Variants in DNAH7 observed in about 807,000 individuals in gnomAD.
The protein encoded by DNAH7 is axonemal beta dynein heavy chain 7.
DNAH7 carries 397 observed loss-of-function variants against 444.6 expected under a neutral mutation model. The observed-to-expected ratio is 0.89, with a 90% CI of 0.82 to 0.97. The LOEUF (loss-of-function observed/expected upper bound fraction) is 0.97. Ranked by LOEUF, DNAH7 falls within the 50% of genes least tolerant of loss-of-function variation. DNAH7 has a pLI of 0.00. For missense variants in DNAH7, 4,902 were observed against 4,800.8 expected, an observed-to-expected ratio of 1.02 and a Z score of -0.62; for synonymous variants, 1,636 against 1,624.4, an observed-to-expected ratio of 1.01 and a Z score of -0.17.
chr2:195,771,635 T>C lies in DNAH7; in HGVS notation c.11433+25A>G, dbSNP rs527896031. On this transcript the variant is annotated intron_variant, in intron 61 of 64. Transcript: ENST00000312428. ...AATGCTATATATAATTTAATGGGGG[T>C]TTTTTTTGGTGTTTTTCACCTTACC... The C allele has an allele frequency of 5.5e-6, 8 of 1,456,250 alleles. No individual in the cohort carries two copies. The South Asian group carries it at 8.2e-5, about 15-fold the overall frequency. 90.2% of individuals were successfully genotyped at this position (1,456,250 alleles called of 1,614,324 possible). A position where few individuals can be genotyped will look rare whatever the true frequency, so the allele number is the denominator to read the frequency against.
At chr2:196,012,193 C>T (rs1309417701) in intron 10 of DNAH7, among the ~76,000 whole-genome samples, 1 of 152,052 alleles carries the variant, frequency 6.6e-6, no homozygotes, top group Non-Finnish European at 1.5e-5. Context: ...TTTATAATAA[C>T]TTAATGACCC....
intron 1 of DNAH7, among the ~76,000 whole-genome samples, chr2:196,061,425 T>A (rs1038305788): frequency 9.8e-5 from 15 of 152,300 alleles, no homozygotes; most frequent in African/African-American, 3.4e-4. Flanking sequence ...ACTTAATGTG[T>A]CCAAAATATT....
At chr2:195,941,266 C>T (rs1456781979) in intron 19 of DNAH7, among the ~76,000 whole-genome samples, 1 of 151,928 alleles carries the variant, frequency 6.6e-6, no homozygotes, top group Non-Finnish European at 1.5e-5. Context: ...CAAACTAACA[C>T]AGGAACAGAA....
intron 21 of DNAH7, among the ~76,000 whole-genome samples, chr2:195,928,368 G>T (rs1246913596): frequency 6.6e-6 from 1 of 152,066 alleles, no homozygotes; most frequent in East Asian, 1.9e-4. Flanking sequence ...AATTAAAGGA[G>T]TAGTTTAAAT....
Position 195,934,729 on chromosome 2 carries a change from A to G in DNAH7, c.3333T>C (p.Thr1111=). The G allele has an allele frequency of 6.2e-7, 1 of 1,614,134 alleles. No homozygotes were observed. The highest frequency in any genetic ancestry group is 8.5e-7 in the Non-Finnish European group (1 of 1,179,994). Residue 1111 remains threonine, a synonymous_variant, in exon 21 of 65, where the codon ACT becomes ACC. Transcript: ENST00000312428. The part of the protein sequence containing the change: ...EGIAKVEFTE[T]LDITHMKSSE... The stretch of plus-strand genomic sequence containing the variant: ...TGCTCTTCATGTGAGTAATGTCTAA[A>G]GTTTCCGTAAATTCTACCTTTGCGA...
Position 195,972,325 on chromosome 2 carries a change from A to T in DNAH7, c.1975T>A (p.Trp659Arg). 1 of 1,614,088 alleles carries T rather than the reference A, an allele frequency of 6.2e-7. No homozygotes were observed. Among genetic ancestry groups the T allele is most frequent in the Non-Finnish European group, 8.5e-7 (1 of 1,179,980 alleles). ...DMRLNNSVFQ[W>R]YGRMGEIFEE... is the part of the protein sequence containing the mutation. ...AAAATTTCTCCCATCCTTCCATACC[A>T]CTGGAAAACACTATTATTTAGCCTC... The change falls in exon 16 of 65, where the codon TGG becomes AGG. Residue 659 changes from tryptophan (W) to arginine (R), a missense_variant. Trp to Arg is a moderately radical substitution (Grantham distance 101). Transcript: ENST00000312428.
At chr2:196,041,413 T>C (rs2125829998) in intron 5 of DNAH7, among the ~76,000 whole-genome samples, 1 of 152,132 alleles carries the variant, frequency 6.6e-6, no homozygotes, top group East Asian at 1.9e-4. Flanking sequence ...ATCCATGCAT[T>C]TATATTCAAC....
At chr2:195,883,449 G>GCA (rs1203503298) in intron 35 of DNAH7, among the ~76,000 whole-genome samples, 1 of 135,872 alleles carries the variant, frequency 7.4e-6, no homozygotes, top group African/African-American at 3.5e-5. Context: ...CTCAGTCCCC[G>GCA]CTCCCCCCCC....
chr2:196,024,537 C>A (rs1177276758), intron 7 of DNAH7, 33 bp from the exon 8 acceptor site: 2 of 1,318,492 alleles, frequency 1.5e-6, no homozygotes, highest in East Asian at 2.6e-5. Flanking sequence ...TGATAAATAA[C>A]CTTATATTAA....
At chr2:195,950,935 T>A (rs1690208739) in intron 19 of DNAH7, among the ~76,000 whole-genome samples, 1 of 151,090 alleles carries the variant, frequency 6.6e-6, no homozygotes, top group African/African-American at 2.4e-5. Context: ...CTCTATCTCC[T>A]TCAGTTCTGC....
chr2:195,904,755 G>A (rs1317041069), intron 27 of DNAH7: 5 of 152,152 alleles, frequency 3.3e-5, no homozygotes, highest in Admixed American at 6.6e-5. Context: ...GATTGTAGGA[G>A]TTGTGTGAAA....
intron 24 of DNAH7, among the ~76,000 whole-genome samples, chr2:195,914,813 A>G (rs1038173568): frequency 2.0e-5 from 3 of 152,038 alleles, no homozygotes; most frequent in African/African-American, 4.8e-5. Flanking sequence ...ACAGGCATGT[A>G]CCACCATGTC....
At chr2:195,782,787 T>A (rs1461735668) in intron 58 of DNAH7, among the ~76,000 whole-genome samples, 1 of 152,222 alleles carries the variant, frequency 6.6e-6, no homozygotes, top group Non-Finnish European at 1.5e-5. Context: ...CTGCTTTTTT[T>A]CCTGGCTGCA....
chr2:195,984,049 A>T (rs923543032), intron 15 of DNAH7, among the ~76,000 whole-genome samples: 12 of 152,236 alleles, frequency 7.9e-5, no homozygotes, highest in African/African-American at 2.9e-4. Flanking sequence ...GGTCAATGAG[A>T]TGTTAGCTAA....
chr2:195,919,923 G>T (rs180955608), intron 24 of DNAH7, among the ~76,000 whole-genome samples: 31 of 152,246 alleles, frequency 2.0e-4, no homozygotes, highest in Admixed American at 1.6e-3. Flanking sequence ...TATCAAGTAG[G>T]CTTGTGTATA....
intron 1 of DNAH7, chr2:196,068,438 T>C (rs1331553494): frequency 1.5e-5 from 8 of 548,158 alleles, no homozygotes; most frequent in African/African-American, 5.8e-5. Context: ...TGCTCTGGGC[T>C]GTGGCTCCCC....
At chr2:195,798,880 G>A (rs553356764) in intron 55 of DNAH7, among the ~76,000 whole-genome samples, 1 of 151,996 alleles carries the variant, frequency 6.6e-6, no homozygotes, top group Non-Finnish European at 1.5e-5. Context: ...TGACCACAAC[G>A]TACAATTGTT....
At chr2:195,802,137 T>C (rs1279497841) in intron 54 of DNAH7, among the ~76,000 whole-genome samples, 1 of 152,244 alleles carries the variant, frequency 6.6e-6, no homozygotes, top group Non-Finnish European at 1.5e-5. Flanking sequence ...CTATACATAA[T>C]TAATTCACCT....
chr2:195,962,705 CTTAT>C (rs1273313432), intron 17 of DNAH7, among the ~76,000 whole-genome samples: 3 of 152,062 alleles, frequency 2.0e-5, no homozygotes, highest in Admixed American at 6.6e-5. Flanking sequence ...AATACTAGAC[CTTAT>C]TTATTCTTAC....
Sources: allele counts gnomAD v4.1 joint callset (sites outside exome capture counted in the v4.1 genomes callset), GRCh38; gene constraint gnomAD v4.1.1; transcripts MANE v1.5; gene names NCBI Gene and HGNC (gene_info 2026-07-23, HGNC 2026-07-21).